GREB1L: variants seen among roughly 807,000 people sequenced by gnomAD.
The protein encoded by GREB1L is GREB1 like retinoic acid receptor coactivator.
Under a neutral mutation model 200.8 loss-of-function variants are expected in GREB1L, and 17 were observed. That is an observed-to-expected ratio of 0.08 (90% CI 0.06 to 0.13). The LOEUF is 0.13. Among genes scored for constraint, GREB1L ranks in the 10% least tolerant of loss-of-function variants. The pLI is 1.00. For synonymous variants in GREB1L, 789 were observed against 893.0 expected (o/e 0.88, Z 2.08); for missense variants, 1,657 against 2,367.7 (o/e 0.70, Z 6.23).
At chr18:21,498,244 G>A (rs563310649) in intron 21 of GREB1L, among the ~76,000 whole-genome samples, 35 of 152,110 alleles carry the variant, frequency 2.3e-4, no homozygotes, top group African/African-American at 3.1e-4. Context: ...AGCAGCTGCT[G>A]GATGGCTCTG....
intron 1 of GREB1L, among the ~76,000 whole-genome samples, chr18:21,248,688 C>T (rs1445677244): frequency 6.6e-6 from 1 of 152,196 alleles, no homozygotes; most frequent in African/African-American, 2.4e-5. Flanking sequence ...CATTATGTTT[C>T]AAGACTTTAA....
At chr18:21,505,345 A>G in intron 23 of GREB1L, 67 bp from the exon 24 acceptor site, 1 of 1,441,682 alleles carries the variant, frequency 6.9e-7, no homozygotes, top group African/African-American at 1.4e-5. Flanking sequence ...CATAAAAGCC[A>G]TTCTCTCTGA....
chr18:21,369,966 AAAG>A (rs935946355), intron 2 of GREB1L, among the ~76,000 whole-genome samples: 4 of 151,790 alleles, frequency 2.6e-5, no homozygotes, highest in African/African-American at 9.7e-5. Context: ...AAAAAAAAGA[AAAG>A]AAAAGAAAAA....
chr18:21,311,698 A>G (rs2038793164), intron 1 of GREB1L, among the ~76,000 whole-genome samples: 1 of 152,174 alleles, frequency 6.6e-6, no homozygotes, highest in Non-Finnish European at 1.5e-5. Context: ...GCAATCGAAT[A>G]TAACCTGGCT....
intron 7 of GREB1L, among the ~76,000 whole-genome samples, chr18:21,417,562 A>C (rs913316592): frequency 6.6e-6 from 1 of 152,140 alleles, no homozygotes; most frequent in African/African-American, 2.4e-5. Context: ...GATGAAATAA[A>C]GACACTTTAA....
chr18:21,414,658 A>G (rs1207160301), intron 7 of GREB1L, among the ~76,000 whole-genome samples: 1 of 152,164 alleles, frequency 6.6e-6, no homozygotes, highest in Non-Finnish European at 1.5e-5. Context: ...CAAAGATGGT[A>G]TTGAGCTCTA....
rs118035855 is a variant in GREB1L at position 21,414,722 on chromosome 18, G to A, written c.832+10728G>A. ...GTCAGATTTCAAGAGCAGAATCGGG[G>A]TAGTAGGAACAGGAAAACAAAGGGA... On this transcript the variant is annotated intron_variant, in intron 7 of 32. Transcript: ENST00000424526. Among the ~76,000 whole-genome samples the A allele has an allele frequency of 8.9e-3, 1,362 of 152,238 alleles. 12 individuals are homozygous for A. Among genetic ancestry groups the A allele is most frequent in the Non-Finnish European group, 0.014 (974 of 68,024 alleles).
intron 1 of GREB1L, among the ~76,000 whole-genome samples, chr18:21,262,316 C>T (rs1270359908): frequency 1.3e-5 from 2 of 152,080 alleles, no homozygotes; most frequent in Admixed American, 6.6e-5. Context: ...CCTTGCCATT[C>T]CTCTTAACTT....
chr18:21,517,030 C>T (rs1002141729), intron 30 of GREB1L, among the ~76,000 whole-genome samples: 3 of 151,862 alleles, frequency 2.0e-5, no homozygotes, highest in African/African-American at 4.8e-5. Flanking sequence ...CGTGCCACCA[C>T]GCTTGGATAA....
intron 2 of GREB1L, among the ~76,000 whole-genome samples, chr18:21,374,141 G>A (rs1346015913): frequency 2.0e-5 from 3 of 151,792 alleles, no homozygotes; most frequent in Admixed American, 6.6e-5. Flanking sequence ...AGCTGGGACC[G>A]CAGGCACACA....
intron 1 of GREB1L, among the ~76,000 whole-genome samples, chr18:21,333,117 G>T (rs921904321): frequency 6.6e-6 from 1 of 151,900 alleles, no homozygotes; most frequent in Non-Finnish European, 1.5e-5. Flanking sequence ...CGCACATACG[G>T]TCTCTCTTAT....
At position 21,518,084 on chromosome 18, in the gene GREB1L, C is replaced by T. The variant is rs961086258; in HGVS notation, c.5322C>T (p.Pro1774=). The T allele has an allele frequency of 1.4e-5, 22 of 1,551,620 alleles. No homozygotes were observed. Among genetic ancestry groups the T allele is most frequent in the Non-Finnish European group, 1.7e-5 (19 of 1,146,968 alleles). ...TGCCCCTTCAATACATCTGTGCTCC[C>T]GACAGTGAACACACACTACTGGCAG... ...PILPLQYICA[P]DSEHTLLAAP... Residue 1774 remains proline, a synonymous_variant, in exon 31 of 33, where the codon CCC becomes CCT. Coordinates refer to ENST00000424526, the MANE Select transcript of GREB1L (RefSeq NM_001142966.3).
chr18:21,373,946 CTT>C (rs1338954837), intron 2 of GREB1L, among the ~76,000 whole-genome samples: 3 of 151,506 alleles, frequency 2.0e-5, no homozygotes, highest in African/African-American at 7.2e-5. Flanking sequence ...TTTCTCTAAT[CTT>C]TAGCCTATGG....
chr18:21,356,986 TATTC>T (rs1350925134), intron 1 of GREB1L, among the ~76,000 whole-genome samples: 1 of 152,238 alleles, frequency 6.6e-6, no homozygotes, highest in Non-Finnish European at 1.5e-5. Flanking sequence ...GAGAAATGTC[TATTC>T]AAGTCCTTTG....
At chr18:21,471,878 C>G (rs904044058) in intron 15 of GREB1L, among the ~76,000 whole-genome samples, 1 of 152,088 alleles carries the variant, frequency 6.6e-6, no homozygotes, top group African/African-American at 2.4e-5. Flanking sequence ...GTCTTAGCTT[C>G]CCAAAGTGCT....
chr18:21,505,288 C>A, intron 23 of GREB1L, 124 bp from the exon 24 acceptor site: 1 of 819,886 alleles, frequency 1.2e-6, no homozygotes. Flanking sequence ...GACAGGGGAG[C>A]TCATTTTTCA....
intron 15 of GREB1L, among the ~76,000 whole-genome samples, chr18:21,457,438 T>A (rs943773176): frequency 3.3e-5 from 5 of 152,248 alleles, no homozygotes; most frequent in Non-Finnish European, 5.9e-5. Context: ...AAAACATGAT[T>A]ATGGTATGCC....
chr18:21,450,924 T>G, intron 12 of GREB1L, 99 bp from the exon 13 acceptor site: 57 of 1,224,040 alleles, frequency 4.7e-5, no homozygotes, highest in Non-Finnish European at 5.5e-5. Context: ...GTCCCTATAG[T>G]GACATCCTTT....
chr18:21,439,389 A>C (rs2033762317), intron 7 of GREB1L, 132 bp from the exon 8 acceptor site: 2 of 571,174 alleles, frequency 3.5e-6, no homozygotes, highest in Non-Finnish European at 6.3e-6. Context: ...GTTTTGTATA[A>C]CTGGACTGAG....
Sources: gnomAD v4.1 joint callset for allele counts (sites outside exome capture counted in the v4.1 genomes callset) on GRCh38, gnomAD v4.1.1 for gene constraint, MANE v1.5 for transcripts, NCBI Gene and HGNC (gene_info 2026-07-23, HGNC 2026-07-21) for gene names.